DCX: variants seen among roughly 807,000 people sequenced by gnomAD.
The protein encoded by DCX is neuronal migration protein doublecortin.
In DCX, 4 loss-of-function variants were observed where a neutral mutation model predicts 20.9. The ratio of observed to expected loss-of-function variants is 0.19; its 90% CI spans 0.09 to 0.44. DCX has a LOEUF of 0.44. Among genes scored for constraint, DCX ranks in the 20% least tolerant of loss-of-function variants. The probability of loss-of-function intolerance (pLI) is 0.99; values close to 1 mark genes in which losing one functional copy is unlikely to be tolerated. For missense variants in DCX, 133 were observed against 296.9 expected, an observed-to-expected ratio of 0.45 and a Z score of 4.06; for synonymous variants, 103 against 111.4, an observed-to-expected ratio of 0.92 and a Z score of 0.47.
chrX:111,332,952 C>CATGCATAG (rs1260763927), intron 4 of DCX, 99 bp downstream of exon 4: 2 of 618,274 alleles, frequency 3.2e-6, no homozygotes, highest in Admixed American at 5.2e-5. Context: ...CTTGAAGGAT[C>CATGCATAG]ATGCATAGAT....
intron 3 of DCX, among the ~76,000 whole-genome samples, chrX:111,379,803 T>A (rs1337097005): frequency 2.7e-5 from 3 of 112,004 alleles, no homozygotes; most frequent in African/African-American, 6.5e-5. Context: ...CACCATTTTA[T>A]ATTCCCACCA....
At chrX:111,365,081 A>ATTT (rs1351569789) in intron 3 of DCX, among the ~76,000 whole-genome samples, 1 of 105,729 alleles carries the variant, frequency 9.5e-6, no homozygotes, top group African/African-American at 3.5e-5. Flanking sequence ...TATTATTATT[A>ATTT]TTATTTTTAT....
chrX:111,302,747 G>A (rs1481974621), intron 6 of DCX, among the ~76,000 whole-genome samples: 1 of 112,230 alleles, frequency 8.9e-6, no homozygotes, highest in Non-Finnish European at 1.9e-5. Flanking sequence ...GTTTTCATCT[G>A]TATTTCTTCC....
At chrX:111,330,201 A>T (rs776273343) in intron 5 of DCX, among the ~76,000 whole-genome samples, 39 of 112,278 alleles carry the variant, frequency 3.5e-4, no homozygotes, top group African/African-American at 1.2e-3. Context: ...GCTTAATGGC[A>T]TAGTTTATTT....
intron 3 of DCX, among the ~76,000 whole-genome samples, chrX:111,398,489 A>G (rs1927516525): frequency 9.0e-6 from 1 of 111,600 alleles, no homozygotes; most frequent in East Asian, 2.9e-4. Context: ...AAGAAAGGGA[A>G]TGTATATACA....
intron 6 of DCX, among the ~76,000 whole-genome samples, chrX:111,307,278 T>C (rs1205824931): frequency 3.7e-5 from 4 of 108,173 alleles, no homozygotes; most frequent in Non-Finnish European, 7.7e-5. Context: ...TATATTAATA[T>C]ATATGATATA....
chrX:111,404,048 T>TTAAAATAAAATAAAA (rs10688083), intron 2 of DCX, among the ~76,000 whole-genome samples: 27,010 of 73,242 alleles, frequency 0.37, 5,635 homozygotes, highest in Non-Finnish European at 0.48. Flanking sequence ...AGATTCCGTC[T>TTAAAATAAAATAAAA]TAAAATAAAA....
At chrX:111,322,754 C>T (rs2095089599) in intron 5 of DCX, among the ~76,000 whole-genome samples, 1 of 112,260 alleles carries the variant, frequency 8.9e-6, no homozygotes, top group African/African-American at 3.2e-5. Context: ...GAACTGAGAG[C>T]CTGGGAATAG....
At chrX:111,408,043 C>T in intron 2 of DCX, among the ~76,000 whole-genome samples, 1 of 111,575 alleles carries the variant, frequency 9.0e-6, no homozygotes, top group South Asian at 3.8e-4. Context: ...ATACAGGGTG[C>T]TTTGTCTGTG....
At chrX:111,365,482 T>A (rs1924550542) in intron 3 of DCX, among the ~76,000 whole-genome samples, 1 of 110,348 alleles carries the variant, frequency 9.1e-6, no homozygotes, top group African/African-American at 3.3e-5. Context: ...TTCCTTTGAG[T>A]TACAAAGAAT....
At position 111,298,000 on chromosome X, in the gene DCX, A is replaced by C; in HGVS notation, c.*3687T>G. 9.0e-6 allele frequency: 1 copy of C among 111,697 alleles called. No homozygotes were observed. Among genetic ancestry groups the C allele is most frequent in the East Asian group, 2.8e-4 (1 of 3,564 alleles). The allele number at this position is 111,697 out of a possible 1,213,427, so 9.2% of individuals were successfully genotyped here. On this transcript the variant is annotated 3_prime_UTR_variant, in exon 7 of 7. Coordinates refer to ENST00000636035, the MANE Select transcript of DCX (RefSeq NM_001195553.2). ...ATTTTCTCTAGCTCATCTTACTCCC[A>C]TATTCTAAAAGAAATCATTGCCAGT... is the stretch of plus-strand genomic sequence containing the variant.
chrX:111,305,619 A>AG (rs2095043676), intron 6 of DCX, among the ~76,000 whole-genome samples: 1 of 93,782 alleles, frequency 1.1e-5, no homozygotes, highest in African/African-American at 4.2e-5. Flanking sequence ...TGTATATTTG[A>AG]CCTTTTTTTT....
chrX:111,356,422 T>C (rs1458243652), intron 3 of DCX, among the ~76,000 whole-genome samples: 1 of 112,848 alleles, frequency 8.9e-6, no homozygotes, highest in Non-Finnish European at 1.9e-5. Flanking sequence ...GCTCAGGGCC[T>C]GGGGATGCAG....
chrX:111,403,574 G>T (rs1041501826), intron 2 of DCX, among the ~76,000 whole-genome samples: 4 of 111,827 alleles, frequency 3.6e-5, no homozygotes, highest in African/African-American at 1.3e-4. Flanking sequence ...GCTGAATATG[G>T]AGTAATGGAA....
chrX:111,323,222 T>C (rs1322224728), intron 5 of DCX, among the ~76,000 whole-genome samples: 1 of 112,130 alleles, frequency 8.9e-6, no homozygotes, highest in Non-Finnish European at 1.9e-5. Flanking sequence ...GTCAAAGTTT[T>C]AAATCCTGGC....
intron 2 of DCX, among the ~76,000 whole-genome samples, chrX:111,408,682 GA>G (rs1928445727): frequency 1.8e-5 from 2 of 109,792 alleles, no homozygotes; most frequent in African/African-American, 6.7e-5. Flanking sequence ...AAGAAAGAAA[GA>G]AAGAAAGAAA....
rs1603412720 is a variant in DCX, at chrX:111,312,501, G to A, written c.1044+138C>T. 3 of 551,237 alleles carry A rather than the reference G, an allele frequency of 5.4e-6. No individual in the cohort carries two copies. The East Asian group carries it at 1.1e-4, about 20-fold the overall frequency. The allele number at this position is 551,237 out of a possible 1,213,427, so 45.4% of individuals were successfully genotyped here. A position where few individuals can be genotyped will look rare whatever the true frequency, so the allele number is the denominator to read the frequency against. On this transcript the variant is annotated intron_variant, in intron 6 of 6. Coordinates refer to ENST00000636035, the MANE Select transcript of DCX (RefSeq NM_001195553.2). ...AGCTTGCTCCCTGCTTGGATTCGCA[G>A]AACTTCAAGCTAATGAAGCCAGATG... is the stretch of plus-strand genomic sequence containing the variant.
chrX:111,385,689 G>T (rs1416637236), intron 3 of DCX, among the ~76,000 whole-genome samples: 1 of 89,553 alleles, frequency 1.1e-5, no homozygotes, highest in East Asian at 3.6e-4. Flanking sequence ...GAAAGAGAAA[G>T]AAAGCAAGAA....
intron 5 of DCX, among the ~76,000 whole-genome samples, chrX:111,325,571 T>TA (rs1254405057): frequency 2.7e-5 from 3 of 112,514 alleles, no homozygotes; most frequent in East Asian, 2.8e-4. Flanking sequence ...CTAATTCACG[T>TA]AAAAAGATTG....
Sources: allele counts gnomAD v4.1 joint callset (sites outside exome capture counted in the v4.1 genomes callset), GRCh38; gene constraint gnomAD v4.1.1; transcripts MANE v1.5; gene names NCBI Gene and HGNC (gene_info 2026-07-23, HGNC 2026-07-21).